The following ANXA8 variants were observed in gnomAD, a reference collection of about 807,000 sequenced individuals.
ANXA8 encodes annexin A8.
ANXA8 carries 9 observed loss-of-function variants against 26.8 expected under a neutral mutation model. The observed-to-expected ratio is 0.34, with a 90% CI of 0.20 to 0.59. The LOEUF is 0.59. ANXA8 is among the 20% of genes least tolerant of loss of function. The probability of loss-of-function intolerance (pLI) is 0.84; values close to 1 mark genes in which losing one functional copy is unlikely to be tolerated. For missense variants in ANXA8, 83 were observed against 238.5 expected, an observed-to-expected ratio of 0.35 and a Z score of 4.29; for synonymous variants, 39 against 94.8, an observed-to-expected ratio of 0.41 and a Z score of 3.42.
chr10:47,566,385 T>A, the ANXA8 span, among the ~76,000 whole-genome samples: 3 of 146,896 alleles, frequency 2.0e-5, no homozygotes, highest in Non-Finnish European at 3.0e-5. Flanking sequence ...AAGAGAAAGT[T>A]GAAAAAAAAA....
At chr10:47,690,891 C>A in the ANXA8 span, 1 of 1,611,324 alleles carries the variant, frequency 6.2e-7, no homozygotes, top group Non-Finnish European at 8.5e-7. Context: ...TATCTAGAGT[C>A]CTTCAAGTAG....
the ANXA8 span, among the ~76,000 whole-genome samples, chr10:47,692,890 A>G: frequency 6.6e-6 from 1 of 150,600 alleles, no homozygotes; most frequent in Non-Finnish European, 1.5e-5. Context: ...GCAAGCCACC[A>G]TGCCTGGCTA....
At chr10:47,490,988 T>C in the ANXA8 span, among the ~76,000 whole-genome samples, 1,024 of 6,348 alleles carry the variant, frequency 0.16, no homozygotes, top group Non-Finnish European at 0.21. Context: ...ACCCCGTCTC[T>C]GCTAAAAATA....
At chr10:47,587,214 A>AT in the ANXA8 span, among the ~76,000 whole-genome samples, 156 of 146,716 alleles carry the variant, frequency 1.1e-3, 1 homozygote, top group African/African-American at 2.0e-3. Context: ...AAAAAAAAAA[A>AT]AAATAAAAAT....
At chr10:47,704,943 T>C in the ANXA8 span, among the ~76,000 whole-genome samples, 3 of 152,072 alleles carry the variant, frequency 2.0e-5, 1 homozygote, top group Non-Finnish European at 4.4e-5. Context: ...CAAGTTGATT[T>C]GTAAATTCAG....
chr10:47,971,070 C>G, the ANXA8 span, among the ~76,000 whole-genome samples: 4 of 151,396 alleles, frequency 2.6e-5, no homozygotes, highest in Non-Finnish European at 4.4e-5. Context: ...CTCTCTGATT[C>G]TCAAATGCTC....
the ANXA8 span, among the ~76,000 whole-genome samples, chr10:47,945,218 C>T: frequency 2.0e-5 from 3 of 149,906 alleles, no homozygotes; most frequent in African/African-American, 4.9e-5. Flanking sequence ...TGTCCACTTC[C>T]TCAGGGGCAT....
chr10:47,553,666 A>C, the ANXA8 span, among the ~76,000 whole-genome samples: 16 of 150,390 alleles, frequency 1.1e-4, no homozygotes, highest in African/African-American at 3.9e-4. Context: ...CCGTCTGCGC[A>C]GTGCGTTCCA....
the ANXA8 span, chr10:47,565,063 C>A: frequency 2.6e-6 from 2 of 771,936 alleles, no homozygotes; most frequent in Non-Finnish European, 4.8e-6. Context: ...TGGGCATGTC[C>A]TCCGAAGACG....
chr10:47,667,441 C>T, the ANXA8 span, among the ~76,000 whole-genome samples: 2 of 151,958 alleles, frequency 1.3e-5, no homozygotes, highest in East Asian at 3.8e-4. Flanking sequence ...AAATGATACG[C>T]TTTAATATGG....
chr10:47,595,017 A>G, the ANXA8 span, among the ~76,000 whole-genome samples: 2 of 149,322 alleles, frequency 1.3e-5, no homozygotes, highest in Non-Finnish European at 2.9e-5. Flanking sequence ...ACAGCTAGAG[A>G]AAAGAGCAAC....
the ANXA8 span, among the ~76,000 whole-genome samples, chr10:47,675,870 T>C: frequency 6.6e-6 from 1 of 151,690 alleles, no homozygotes; most frequent in African/African-American, 2.4e-5. Context: ...AGGTTAACAA[T>C]ATGCTTGAAA....
At chr10:47,658,027 G>A in the ANXA8 span, among the ~76,000 whole-genome samples, 1 of 151,806 alleles carries the variant, frequency 6.6e-6, no homozygotes, top group Admixed American at 6.5e-5. Context: ...TAGAACATGT[G>A]AAGTATCTTT....
chr10:47,945,099 C>A, the ANXA8 span, among the ~76,000 whole-genome samples: 4 of 150,526 alleles, frequency 2.7e-5, no homozygotes, highest in Admixed American at 6.6e-5. Flanking sequence ...TTGCTGACCC[C>A]CAAGACTGGC....
chr10:47,665,381 T>C, the ANXA8 span, among the ~76,000 whole-genome samples: 1 of 151,032 alleles, frequency 6.6e-6, no homozygotes. Context: ...AATAGCTGCG[T>C]ACACTTTATT....
At chr10:47,651,210 A>G in the ANXA8 span, among the ~76,000 whole-genome samples, 1 of 151,026 alleles carries the variant, frequency 6.6e-6, no homozygotes, top group East Asian at 1.9e-4. Flanking sequence ...TAAAATAATA[A>G]TGATAATAAT....
At chr10:47,510,629 G>C in the ANXA8 span, among the ~76,000 whole-genome samples, 1 of 119,824 alleles carries the variant, frequency 8.3e-6, no homozygotes, top group Admixed American at 8.7e-5. Flanking sequence ...AAGAGATCGA[G>C]ACCATCCTGG....
the ANXA8 span, among the ~76,000 whole-genome samples, chr10:47,924,991 GTATTGAGTGATT>G: frequency 8.6e-6 from 1 of 116,796 alleles, no homozygotes; most frequent in South Asian, 3.6e-4. Flanking sequence ...CAGTTTGTTG[GTATTGAGTGATT>G]TATTGAGGGA....
chr10:47,560,190 T>C, the ANXA8 span, among the ~76,000 whole-genome samples: 1 of 151,816 alleles, frequency 6.6e-6, no homozygotes, highest in Admixed American at 6.6e-5. Context: ...AGGCTTGCCA[T>C]TTGAATGCTT....
Sources: allele counts gnomAD v4.1 joint callset (sites outside exome capture counted in the v4.1 genomes callset), GRCh38; gene constraint gnomAD v4.1.1; transcripts MANE v1.5; gene names NCBI Gene and HGNC (gene_info 2026-07-23, HGNC 2026-07-21).